PTPRD: variants seen among roughly 807,000 people sequenced by gnomAD.
PTPRD encodes receptor-type tyrosine-protein phosphatase delta.
PTPRD carries 34 observed loss-of-function variants against 214.5 expected under a neutral mutation model. The ratio of observed to expected loss-of-function variants is 0.16; its 90% CI spans 0.12 to 0.21. PTPRD has a LOEUF of 0.21. PTPRD is among the 10% of genes least tolerant of loss of function. The probability of loss-of-function intolerance (pLI) is 1.00; values close to 1 mark genes in which losing one functional copy is unlikely to be tolerated. For missense variants in PTPRD, 2,545 were observed against 2,398.7 expected, an observed-to-expected ratio of 1.06 and a Z score of -1.27; for synonymous variants, 1,128 against 845.7, an observed-to-expected ratio of 1.33 and a Z score of -5.79.
chr9:8,963,613 T>G (rs1431433806), intron 11 of PTPRD, among the ~76,000 whole-genome samples: 2 of 151,932 alleles, frequency 1.3e-5, no homozygotes, highest in African/African-American at 4.8e-5. Context: ...AAAGCCTACA[T>G]GATCACAATT....
intron 2 of PTPRD, among the ~76,000 whole-genome samples, chr9:10,513,509 A>C (rs1378671492): frequency 1.3e-5 from 2 of 152,184 alleles, no homozygotes. Flanking sequence ...GCAAGCATAC[A>C]GGAAATAAGG....
chr9:8,847,219 A>G (rs528326421), intron 11 of PTPRD, among the ~76,000 whole-genome samples: 29 of 152,258 alleles, frequency 1.9e-4, no homozygotes, highest in Middle Eastern at 3.4e-3. Flanking sequence ...CGAGTCTGTT[A>G]AATAGTAAAA....
At chr9:9,013,612 T>G (rs764423915) in intron 11 of PTPRD, among the ~76,000 whole-genome samples, 40 of 152,156 alleles carry the variant, frequency 2.6e-4, no homozygotes, top group Non-Finnish European at 5.4e-4. Context: ...ATATATGCAT[T>G]GCAGGCAGCA....
intron 3 of PTPRD, among the ~76,000 whole-genome samples, chr9:10,194,718 T>C (rs1299867324): frequency 6.6e-6 from 1 of 152,004 alleles, no homozygotes; most frequent in Non-Finnish European, 1.5e-5. Flanking sequence ...ACGTGAACAT[T>C]AAAGAGAATA....
chr9:10,126,422 TATATACAC>T (rs1041628189), intron 3 of PTPRD, among the ~76,000 whole-genome samples: 8 of 47,128 alleles, frequency 1.7e-4, no homozygotes, highest in African/African-American at 3.7e-4. Flanking sequence ...TACTGTTTTA[TATATACAC>T]ACACACACAC....
intron 4 of PTPRD, among the ~76,000 whole-genome samples, chr9:9,965,106 A>G (rs939203840): frequency 2.0e-5 from 3 of 152,164 alleles, no homozygotes; most frequent in African/African-American, 7.2e-5. Flanking sequence ...ACAACGACAC[A>G]CAGAGTCCAA....
chr9:10,148,018 T>A (rs1277184705), intron 3 of PTPRD, among the ~76,000 whole-genome samples: 2 of 152,184 alleles, frequency 1.3e-5, no homozygotes, highest in African/African-American at 4.8e-5. Context: ...TCTTTGGAGA[T>A]ATCCAAAAGT....
chr9:10,219,385 G>T (rs1163326335), intron 3 of PTPRD, among the ~76,000 whole-genome samples: 2 of 151,842 alleles, frequency 1.3e-5, no homozygotes, highest in East Asian at 3.9e-4. Context: ...GAATGAGTCT[G>T]TCAAGATTCT....
intron 15 of PTPRD, among the ~76,000 whole-genome samples, chr9:8,527,674 T>C (rs1045119254): frequency 2.0e-5 from 3 of 152,106 alleles, no homozygotes; most frequent in Admixed American, 6.6e-5. Flanking sequence ...CTTATTATTA[T>C]ATATCCCTGT....
At chr9:9,847,255 G>A (rs1017531078) in intron 5 of PTPRD, among the ~76,000 whole-genome samples, 3 of 152,090 alleles carry the variant, frequency 2.0e-5, no homozygotes, top group South Asian at 4.2e-4. Flanking sequence ...TGATTACTTT[G>A]TTATTTTCAC....
At chr9:9,412,631 CT>C (rs1198605263) in intron 8 of PTPRD, among the ~76,000 whole-genome samples, 8 of 152,190 alleles carry the variant, frequency 5.3e-5, no homozygotes, top group Non-Finnish European at 8.8e-5. Context: ...CCAACTCCAA[CT>C]TTCATCCCAA....
chr9:8,917,587 C>T (rs1187168835), intron 11 of PTPRD, among the ~76,000 whole-genome samples: 2 of 152,052 alleles, frequency 1.3e-5, no homozygotes, highest in East Asian at 3.9e-4. Flanking sequence ...CTTTTCTCTC[C>T]TTTCTTTTTA....
chr9:8,656,106 A>C (rs1487521646), intron 12 of PTPRD, among the ~76,000 whole-genome samples: 3 of 152,162 alleles, frequency 2.0e-5, no homozygotes, highest in Admixed American at 2.0e-4. Flanking sequence ...TTTTTATTTC[A>C]AAATACTGCC....
chr9:8,941,409 ATG>A (rs1009455300), intron 11 of PTPRD, among the ~76,000 whole-genome samples: 1 of 152,040 alleles, frequency 6.6e-6, no homozygotes, highest in Non-Finnish European at 1.5e-5. Flanking sequence ...TTTATAACAT[ATG>A]TGTGTGTGTA....
chr9:8,781,866 C>G (rs1284019474), intron 11 of PTPRD, among the ~76,000 whole-genome samples: 1 of 152,190 alleles, frequency 6.6e-6, no homozygotes, highest in African/African-American at 2.4e-5. Flanking sequence ...CCATGTCACT[C>G]TGTATGCCTA....
intron 10 of PTPRD, among the ~76,000 whole-genome samples, chr9:9,043,244 C>T (rs1330888362): frequency 2.0e-5 from 3 of 152,148 alleles, no homozygotes; most frequent in African/African-American, 7.2e-5. Context: ...AGTACATCTC[C>T]TCTTTAAGAA....
At chr9:9,653,494 A>C (rs189793476) in intron 7 of PTPRD, among the ~76,000 whole-genome samples, 184 of 152,202 alleles carry the variant, frequency 1.2e-3, no homozygotes, top group Non-Finnish European at 2.0e-3. Context: ...AAAAGAAAAA[A>C]CTGCACCTAA....
chr9:10,182,618 T>G (rs568746308), intron 3 of PTPRD, among the ~76,000 whole-genome samples: 42 of 152,292 alleles, frequency 2.8e-4, no homozygotes, highest in African/African-American at 9.6e-4. Context: ...GTAAGTATTT[T>G]GAAGATATAT....
intron 43 of PTPRD, among the ~76,000 whole-genome samples, chr9:8,336,447 G>A (rs11999945): frequency 0.033 from 4,339 of 130,724 alleles, 1 homozygote; most frequent in African/African-American, 0.12. Context: ...ATTAACTCAA[G>A]ATGGATTAAA....
Sources: allele counts gnomAD v4.1 joint callset (sites outside exome capture counted in the v4.1 genomes callset), GRCh38; gene constraint gnomAD v4.1.1; transcripts MANE v1.5; gene names NCBI Gene and HGNC (gene_info 2026-07-23, HGNC 2026-07-21).